The following METTL22 variants were observed in gnomAD, a reference collection of about 807,000 sequenced individuals.
METTL22 encodes methyltransferase-like protein 22.
A neutral mutation model predicts 48.4 loss-of-function variants in METTL22; 51 were observed. The ratio of observed to expected loss-of-function variants is 1.05; its 90% confidence interval spans 0.84 to 1.33. The LOEUF (loss-of-function observed/expected upper bound fraction) is 1.33. Ranked by LOEUF, METTL22 falls within the 40% of genes most tolerant of loss-of-function variation. The pLI, the probability that METTL22 is intolerant of heterozygous loss-of-function variation, is 0.00. For missense variants in METTL22, 678 were observed against 526.9 expected (o/e 1.29, Z -2.81); for synonymous variants, 255 against 214.1 (o/e 1.19, Z -1.67).
rs1731044 is a variant in METTL22, at chr16:8,635,096, C to T, written c.555+17C>T. Reference sequence around the variant, plus strand: ...GGCAAGCAGGTGGGTAGGTCTTGTCCGCTTCCTGTGGCCCTGATGGGTCCC... The same window carrying T: ...GGCAAGCAGGTGGGTAGGTCTTGTCTGCTTCCTGTGGCCCTGATGGGTCCC... On this transcript the variant is annotated intron_variant, in intron 4 of 10. Transcript: ENST00000381920. 1 allele frequency: 1,610,313 copies of T among 1,614,042 alleles called. 803,383 individuals carry two copies. The highest frequency in any genetic ancestry group is 1 in the East Asian group (44,882 of 44,882).
In METTL22 at chr16:8,639,166, A is replaced by T; in HGVS notation, c.772+4A>T. On this transcript the variant is annotated splice_donor_region_variant and intron_variant, in intron 6 of 10. Transcript: ENST00000381920. ...AGCCACCTGGCTGCCACTGGAGGTG[A>T]GGCCCAGGGGGTCTTCTGCCAGGGA... 4 of 1,613,898 alleles carry T rather than the reference A, an allele frequency of 2.5e-6. No individual in the cohort carries two copies. Among genetic ancestry groups the T allele is most frequent in the Non-Finnish European group, 3.4e-6 (4 of 1,179,948 alleles).
chr16:8,664,149 G>A, the METTL22 span, among the ~76,000 whole-genome samples: 4 of 150,804 alleles, frequency 2.7e-5, no homozygotes, highest in Admixed American at 6.6e-5. Flanking sequence ...GTGCAATGGC[G>A]TGATGTCGGC....
chr16:8,630,853 C>G (rs796527189), intron 3 of METTL22, among the ~76,000 whole-genome samples: 10 of 152,264 alleles, frequency 6.6e-5, no homozygotes, highest in African/African-American at 2.4e-4. Flanking sequence ...AATGCATGAA[C>G]CTAGGTAGTA....
In METTL22 at chr16:8,629,207, C is replaced by T. The variant is rs2056171469; in HGVS notation, c.514+97C>T. The T allele has an allele frequency of 2.7e-6, 4 of 1,463,624 alleles. 1 individual carries two copies. The South Asian group carries it at 3.9e-5, about 14-fold the overall frequency. The allele number at this position is 1,463,624 out of a possible 1,614,324, so 90.7% of individuals were successfully genotyped here. On this transcript the variant is annotated intron_variant, in intron 3 of 10. Coordinates refer to ENST00000381920, the MANE Select transcript of METTL22 (RefSeq NM_024109.4). ...TGATCTGAGCGTGGACTCTGCAGGC[C>T]CAGGCAGCACAGGTTATGAGAACCA... is the stretch of plus-strand genomic sequence containing the variant.
the METTL22 span, among the ~76,000 whole-genome samples, chr16:8,656,641 C>T: frequency 6.6e-6 from 1 of 152,256 alleles, no homozygotes; most frequent in Non-Finnish European, 1.5e-5. Flanking sequence ...CCTTCATCTG[C>T]AGTGAGTGAT....
At chr16:8,655,268 G>C in the METTL22 span, among the ~76,000 whole-genome samples, 1 of 152,172 alleles carries the variant, frequency 6.6e-6, no homozygotes, top group African/African-American at 2.4e-5. Context: ...TCATCTGAAG[G>C]TTCAACTAAG....
At chr16:8,643,412 T>C (rs1411116076) in intron 9 of METTL22, among the ~76,000 whole-genome samples, 6 of 152,202 alleles carry the variant, frequency 3.9e-5, no homozygotes, top group Non-Finnish European at 7.3e-5. Context: ...TAAAGGGTGA[T>C]TGTTAAACTT....
At chr16:8,631,417 C>G (rs898972131) in intron 3 of METTL22, 1 of 152,190 alleles carries the variant, frequency 6.6e-6, no homozygotes, top group Admixed American at 6.5e-5. Flanking sequence ...GAGTCCCGTG[C>G]CTTCCTGCTG....
the METTL22 span, among the ~76,000 whole-genome samples, chr16:8,662,047 C>T: frequency 6.9e-6 from 1 of 145,498 alleles, no homozygotes; most frequent in Middle Eastern, 3.4e-3. Context: ...AGTTCAAGAC[C>T]AGCCTGGACA....
rs768805415 is a variant in METTL22, at chr16:8,642,149, G to C, written c.849G>C (p.Trp283Cys). The C allele has an allele frequency of 2.4e-5, 39 of 1,613,610 alleles. 1 individual carries two copies. The South Asian group carries it at 4.2e-4, about 17-fold the overall frequency. The change falls in exon 8 of 11, where the codon TGG becomes TGC. Residue 283 changes from tryptophan to cysteine, a missense_variant. Physicochemically the swap from Trp to Cys is radical, Grantham distance 215. Transcript: ENST00000381920. The part of the protein sequence containing the change: ...LCTDPKVPFS[W>C]SQEEISDLYD... ...TAGATCCCAAGGTCCCCTTCAGTTG[G>C]TCACAAGAGGAAATTTCTGACTTGT... is the stretch of plus-strand genomic sequence containing the variant.
chr16:8,631,121 T>A (rs1461530510), intron 3 of METTL22: 1 of 152,176 alleles, frequency 6.6e-6, no homozygotes. Flanking sequence ...TAAGCAGACG[T>A]CATTCGCCTC....
At position 8,630,749 on chromosome 16, in the gene METTL22, G is replaced by A. The variant is rs188677214; in HGVS notation, c.514+1639G>A. Among the ~76,000 whole-genome samples the A allele has an allele frequency of 3.9e-4, 60 of 152,248 alleles. 1 individual carries two copies. Among genetic ancestry groups the A allele is most frequent in the African/African-American group, 1.4e-3 (57 of 41,534 alleles). Reference sequence around the variant, plus strand: ...TCCTGCCCTGTTCCGGTGACCTCACGGTGAGGCCCCCTTGTCTGTATACCT... The same window carrying A: ...TCCTGCCCTGTTCCGGTGACCTCACAGTGAGGCCCCCTTGTCTGTATACCT... On this transcript the variant is annotated intron_variant, in intron 3 of 10. Coordinates refer to ENST00000381920, the MANE Select transcript of METTL22 (RefSeq NM_024109.4).
At chr16:8,655,814 C>A in the METTL22 span, among the ~76,000 whole-genome samples, 1 of 152,224 alleles carries the variant, frequency 6.6e-6, no homozygotes, top group African/African-American at 2.4e-5. Flanking sequence ...TAAACAAAGC[C>A]GTTCAATCTA....
chr16:8,656,952 T>C, the METTL22 span, among the ~76,000 whole-genome samples: 2 of 152,214 alleles, frequency 1.3e-5, no homozygotes. Flanking sequence ...CTCGTCCTTT[T>C]ATAAGGAACC....
chr16:8,642,094 A>T, intron 7 of METTL22, 33 bp from the exon 8 acceptor site: 1 of 1,552,198 alleles, frequency 6.4e-7, no homozygotes, highest in East Asian at 2.2e-5. Context: ...AGAGAAGGCA[A>T]TGGGCACAAA....
At position 8,649,124 on chromosome 16, in the gene METTL22, C is replaced by G. The variant is rs1293448045; in HGVS notation, c.*2981C>G. The G allele has an allele frequency of 6.6e-6, 1 of 152,188 alleles. No individual in the cohort carries two copies. Among genetic ancestry groups the G allele is most frequent in the Non-Finnish European group, 1.5e-5 (1 of 68,038 alleles). 9.4% of individuals were successfully genotyped at this position (152,188 alleles called of 1,614,324 possible). A position where few individuals can be genotyped will look rare whatever the true frequency, so the allele number is the denominator to read the frequency against. ...TACAAGTCCATAAATGTAATTGGCA[C>G]CAAGCAATAGAGTTGTCACAGCTTT... is the stretch of plus-strand genomic sequence containing the variant. On this transcript the variant is annotated 3_prime_UTR_variant, in exon 11 of 11. Transcript: ENST00000381920.
At chr16:8,655,592 A>G in the METTL22 span, among the ~76,000 whole-genome samples, 1 of 152,190 alleles carries the variant, frequency 6.6e-6, no homozygotes, top group Non-Finnish European at 1.5e-5. Context: ...AGGGGAGGGG[A>G]TTACACAGAG....
intron 3 of METTL22, among the ~76,000 whole-genome samples, chr16:8,630,386 G>A (rs1245948932): frequency 6.6e-6 from 1 of 152,212 alleles, no homozygotes; most frequent in East Asian, 1.9e-4. Flanking sequence ...CTGAGGCTCA[G>A]CGAGGTTGAG....
intron 1 of METTL22, among the ~76,000 whole-genome samples, chr16:8,622,042 T>A (rs1050511748): frequency 3.3e-5 from 5 of 152,174 alleles, no homozygotes; most frequent in Admixed American, 6.5e-5. Flanking sequence ...GACTGTTTTT[T>A]GAGAGGGCAA....
Sources: gnomAD v4.1 joint callset for allele counts (sites outside exome capture counted in the v4.1 genomes callset) on GRCh38, gnomAD v4.1.1 for gene constraint, MANE v1.5 for transcripts, NCBI Gene and HGNC (gene_info 2026-07-23, HGNC 2026-07-21) for gene names.